The following ANOS1 variants were observed in gnomAD, a reference collection of about 807,000 sequenced individuals.
ANOS1 encodes anosmin 1.
In ANOS1, 6 loss-of-function variants were observed where a neutral mutation model predicts 59.0. That is an observed-to-expected ratio of 0.10 (90% CI 0.06 to 0.20). The LOEUF is 0.20. ANOS1 is among the 10% of genes least tolerant of loss of function. ANOS1 has a pLI of 1.00. For synonymous variants in ANOS1, 217 were observed against 223.4 expected (o/e 0.97, Z 0.25); for missense variants, 433 against 542.3 (o/e 0.80, Z 2.00).
At chrX:8,573,036 T>C (rs1441933334) in intron 6 of ANOS1, among the ~76,000 whole-genome samples, 3 of 108,567 alleles carry the variant, frequency 2.8e-5, no homozygotes, top group African/African-American at 1.0e-4. Flanking sequence ...CATTTGGTGT[T>C]CAGGACACTA....
chrX:8,731,695 C>G, intron 1 of ANOS1, 135 bp downstream of exon 1: 2 of 1,064,378 alleles, frequency 1.9e-6, no homozygotes, highest in Non-Finnish European at 2.5e-6. Flanking sequence ...GTAAGATCCA[C>G]GCCCAGGGGA....
intron 1 of ANOS1, among the ~76,000 whole-genome samples, chrX:8,701,149 G>A (rs1294845078): frequency 9.1e-6 from 1 of 110,004 alleles, no homozygotes; most frequent in African/African-American, 3.3e-5. Flanking sequence ...ATGCTAGGCC[G>A]GAATAGGTAG....
chrX:8,548,181 T>G (rs1397413575), intron 9 of ANOS1, among the ~76,000 whole-genome samples: 1 of 112,492 alleles, frequency 8.9e-6, no homozygotes, highest in Non-Finnish European at 1.9e-5. Context: ...GTTCTTTTTT[T>G]TCTATATTTC....
At position 8,597,277 on chromosome X, in the gene ANOS1, A is replaced by T. The variant is rs188817804; in HGVS notation, c.319-21T>A. On this transcript the variant is annotated intron_variant, in intron 3 of 13. Coordinates refer to ENST00000262648, the MANE Select transcript of ANOS1 (RefSeq NM_000216.4). ...AGAGGCTAAGTCAAAGAAGAATTTT[A>T]AAAAATATTCCATTAAAGACACATG... The T allele has an allele frequency of 3.0e-4, 352 of 1,156,474 alleles. 2 individuals carry two copies. The African/African-American group carries it at 3.5e-3, about 11-fold the overall frequency.
intron 1 of ANOS1, among the ~76,000 whole-genome samples, chrX:8,726,102 G>A (rs1353300089): frequency 9.0e-6 from 1 of 110,726 alleles, no homozygotes; most frequent in Non-Finnish European, 1.9e-5. Flanking sequence ...CACATCGTAG[G>A]CTGGGTATGA....
intron 8 of ANOS1, among the ~76,000 whole-genome samples, chrX:8,557,217 A>G (rs1929963360): frequency 1.8e-5 from 2 of 112,360 alleles, no homozygotes; most frequent in Non-Finnish European, 3.8e-5. Flanking sequence ...AAACCATAAA[A>G]ACACTAGAAG....
intron 3 of ANOS1, among the ~76,000 whole-genome samples, chrX:8,615,327 G>A (rs1022109829): frequency 1.8e-5 from 2 of 110,631 alleles, no homozygotes; most frequent in Admixed American, 1.9e-4. Flanking sequence ...GGTGGATCAC[G>A]AGGTCAGGAG....
chrX:8,605,664 GGAAAAGAAAGAAAA>G (rs1930928510), intron 3 of ANOS1, among the ~76,000 whole-genome samples: 3 of 96,223 alleles, frequency 3.1e-5, no homozygotes, highest in Admixed American at 2.3e-4. Flanking sequence ...AAAAAAAAAA[GGAAAAGAAAGAAAA>G]GAAAAGAAAG....
intron 10 of ANOS1, among the ~76,000 whole-genome samples, chrX:8,537,680 T>C (rs1929618138): frequency 9.1e-6 from 1 of 110,061 alleles, no homozygotes; most frequent in South Asian, 4.0e-4. Context: ...GAGGCTGAGG[T>C]GGGAGGATCG....
At chrX:8,545,282 AAG>A (rs1359786928) in intron 9 of ANOS1, among the ~76,000 whole-genome samples, 2 of 100,412 alleles carry the variant, frequency 2.0e-5, no homozygotes, top group African/African-American at 3.6e-5. Context: ...GAAAGAAAGA[AAG>A]AGAGAGAGAG....
rs914750505 is a variant in ANOS1, at chrX:8,569,433, G to A, written c.1063-1057C>T. Among the ~76,000 whole-genome samples, 80 of 112,401 alleles carry A rather than the reference G, an allele frequency of 7.1e-4. No homozygotes were observed. The Middle Eastern group carries it at 0.014, about 19-fold the overall frequency. The stretch of plus-strand genomic sequence containing the variant: ...CAAGGTGGGCGGATCACGAGGTCAG[G>A]AGATAGAGATCATCCTGGCTAACAT... On this transcript the variant is annotated intron_variant, in intron 7 of 13. Coordinates refer to ENST00000262648, the MANE Select transcript of ANOS1 (RefSeq NM_000216.4).
chrX:8,569,723 GAA>G (rs1930193849), intron 7 of ANOS1, among the ~76,000 whole-genome samples: 1 of 112,161 alleles, frequency 8.9e-6, no homozygotes, highest in African/African-American at 3.2e-5. Context: ...TTATAATTCT[GAA>G]GAGCACAGAT....
chrX:8,725,729 T>C (rs1932913835), intron 1 of ANOS1, among the ~76,000 whole-genome samples: 1 of 50,312 alleles, frequency 2.0e-5, no homozygotes, highest in African/African-American at 1.1e-4. Context: ...TATATACAGA[T>C]ATATATATAC....
chrX:8,592,242 A>T (rs1930634711), intron 4 of ANOS1, among the ~76,000 whole-genome samples: 1 of 111,899 alleles, frequency 8.9e-6, no homozygotes, highest in African/African-American at 3.2e-5. Flanking sequence ...AGAACTCTAG[A>T]ATTTGTATTT....
intron 2 of ANOS1, among the ~76,000 whole-genome samples, chrX:8,651,225 T>C (rs1292348179): frequency 9.0e-6 from 1 of 111,698 alleles, no homozygotes; most frequent in African/African-American, 3.3e-5. Flanking sequence ...GCCCTTTACC[T>C]CCCAAACCAC....
intron 8 of ANOS1, 24 bp downstream of exon 8, chrX:8,568,208 G>A: frequency 8.3e-7 from 1 of 1,205,079 alleles, no homozygotes; most frequent in South Asian, 1.8e-5. Flanking sequence ...CAATCATCTT[G>A]AAAAACATGA....
intron 6 of ANOS1, among the ~76,000 whole-genome samples, chrX:8,571,163 A>G (rs941641999): frequency 2.7e-5 from 3 of 110,678 alleles, no homozygotes; most frequent in Non-Finnish European, 3.8e-5. Context: ...CAAGCAGTTA[A>G]GTAAGATCTC....
At position 8,699,733 on chromosome X, in the gene ANOS1, G is replaced by A. The variant is rs774889943; in HGVS notation, c.220C>T (p.Leu74=). The change falls in exon 2 of 14, where the codon CTG becomes TTG. Residue 74 remains leucine (L), a synonymous_variant. Coordinates refer to ENST00000262648, the MANE Select transcript of ANOS1 (RefSeq NM_000216.4). ...TGCTTGTGATTCTGGCACCAAACCA[G>A]GGAACCATTGTTCTGCAAAAAGAAA... ...FFQHFQNNGS[L]VWCQNHKQCS... is the part of the protein sequence containing the mutation. 19 of 1,196,200 alleles carry A rather than the reference G, an allele frequency of 1.6e-5. No individual in the cohort carries two copies. The East Asian group carries it at 4.5e-4, about 29-fold the overall frequency.
chrX:8,626,111 C>CAAAAAAAAAAAAAAAAA (rs138234272), intron 2 of ANOS1, among the ~76,000 whole-genome samples: 3 of 24,520 alleles, frequency 1.2e-4, no homozygotes, highest in African/African-American at 4.6e-4. Flanking sequence ...GACTCTGTCT[C>CAAAAAAAAAAAAAAAAA]AAAAAAAAAA....
Sources: allele counts gnomAD v4.1 joint callset (sites outside exome capture counted in the v4.1 genomes callset), GRCh38; gene constraint gnomAD v4.1.1; transcripts MANE v1.5; gene names NCBI Gene and HGNC (gene_info 2026-07-23, HGNC 2026-07-21).